Variants in CAMK1D observed in about 807,000 individuals in gnomAD.
The protein encoded by CAMK1D is calcium/calmodulin dependent protein kinase ID.
CAMK1D carries 9 observed loss-of-function variants against 47.7 expected under a neutral mutation model. The observed-to-expected ratio is 0.19, with a 90% CI of 0.11 to 0.33. CAMK1D has a LOEUF of 0.33. CAMK1D is among the 10% of genes least tolerant of loss of function. CAMK1D has a pLI of 1.00. For missense variants in CAMK1D, 291 were observed against 488.7 expected, an observed-to-expected ratio of 0.60 and a Z score of 3.81; for synonymous variants, 184 against 184.9, an observed-to-expected ratio of 0.99 and a Z score of 0.04.
chr10:12,381,676 T>C (rs1450991088), intron 1 of CAMK1D, among the ~76,000 whole-genome samples: 1 of 152,210 alleles, frequency 6.6e-6, no homozygotes, highest in Non-Finnish European at 1.5e-5. Context: ...GAATTGACGA[T>C]ACAGTCTGAG....
chr10:12,413,432 G>A (rs555057281), intron 1 of CAMK1D, among the ~76,000 whole-genome samples: 3 of 145,474 alleles, frequency 2.1e-5, no homozygotes, highest in Admixed American at 1.4e-4. Context: ...AACTTTATCA[G>A]TGTGTTAGAG....
At position 12,525,794 on chromosome 10, in the gene CAMK1D, G is replaced by T. The variant is rs141905914; in HGVS notation, c.93-27431G>T. 2.6e-4 allele frequency among the ~76,000 whole-genome samples: 40 copies of T among 152,202 alleles called. 1 individual carries two copies. The highest frequency in any genetic ancestry group is 9.4e-4 in the African/African-American group (39 of 41,510). ...TTTTTTTGAGATAAGGTCTTGCTCTGTTGCCCAAACTGGAATGTAGTGGCG... is the reference window on the plus strand; with the variant it reads ...TTTTTTTGAGATAAGGTCTTGCTCTTTTGCCCAAACTGGAATGTAGTGGCG... On this transcript the variant is annotated intron_variant, in intron 1 of 10. Transcript: ENST00000619168.
intron 3 of CAMK1D, among the ~76,000 whole-genome samples, chr10:12,669,455 A>T (rs191924412): frequency 6.6e-6 from 1 of 152,244 alleles, no homozygotes; most frequent in South Asian, 2.1e-4. Flanking sequence ...GTTTATTTAT[A>T]TAAAAAATTA....
intron 3 of CAMK1D, among the ~76,000 whole-genome samples, chr10:12,729,442 C>T (rs1834794396): frequency 6.6e-6 from 1 of 152,026 alleles, no homozygotes; most frequent in African/African-American, 2.4e-5. Flanking sequence ...TCAAGACCAG[C>T]CTGGGTAACA....
At chr10:12,474,005 A>T (rs549020496) in intron 1 of CAMK1D, among the ~76,000 whole-genome samples, 1 of 152,126 alleles carries the variant, frequency 6.6e-6, no homozygotes, top group Non-Finnish European at 1.5e-5. Context: ...ATGGCATTTA[A>T]TATTTGAATT....
intron 1 of CAMK1D, among the ~76,000 whole-genome samples, chr10:12,537,595 T>C (rs772728371): frequency 6.6e-6 from 1 of 152,186 alleles, no homozygotes; most frequent in East Asian, 1.9e-4. Flanking sequence ...CGTTGGCCAT[T>C]CTGTGAATTG....
At chr10:12,764,391 A>AAAAAAAAC (rs1836652058) in intron 4 of CAMK1D, among the ~76,000 whole-genome samples, 1 of 151,096 alleles carries the variant, frequency 6.6e-6, no homozygotes, top group Non-Finnish European at 1.5e-5. Context: ...CAAAAAAAAA[A>AAAAAAAAC]AAAAAAACAT....
intron 6 of CAMK1D, among the ~76,000 whole-genome samples, chr10:12,799,624 T>C (rs1292185319): frequency 6.6e-6 from 1 of 152,222 alleles, no homozygotes; most frequent in East Asian, 1.9e-4. Context: ...AATCCACCCC[T>C]CGTGAGAACT....
At chr10:12,810,276 C>CA (rs2131066911) in intron 6 of CAMK1D, among the ~76,000 whole-genome samples, 1 of 126,200 alleles carries the variant, frequency 7.9e-6, no homozygotes, top group African/African-American at 3.0e-5. Flanking sequence ...CCTAGCACCA[C>CA]TTTTTTTTTT....
At chr10:12,652,465 G>A (rs1314354620) in intron 2 of CAMK1D, among the ~76,000 whole-genome samples, 4 of 150,736 alleles carry the variant, frequency 2.7e-5, no homozygotes, top group East Asian at 3.9e-4. Flanking sequence ...GCGGGCGCCT[G>A]TAGTCCCAGC....
At chr10:12,399,091 G>A (rs1251927669) in intron 1 of CAMK1D, among the ~76,000 whole-genome samples, 1 of 152,190 alleles carries the variant, frequency 6.6e-6, no homozygotes, top group African/African-American at 2.4e-5. Context: ...ACTGGGAATG[G>A]TATTGAAATA....
chr10:12,679,822 AC>A (rs1371590901), intron 3 of CAMK1D, among the ~76,000 whole-genome samples: 1 of 152,110 alleles, frequency 6.6e-6, no homozygotes, highest in Non-Finnish European at 1.5e-5. Context: ...CCCGCCCAGC[AC>A]CCGGGCATAT....
At chr10:12,527,711 G>A (rs1239053355) in intron 1 of CAMK1D, among the ~76,000 whole-genome samples, 1 of 152,166 alleles carries the variant, frequency 6.6e-6, no homozygotes, top group African/African-American at 2.4e-5. Context: ...AGAGATAAAG[G>A]AGGAAAAATT....
At chr10:12,490,615 G>A (rs952189278) in intron 1 of CAMK1D, among the ~76,000 whole-genome samples, 14 of 152,198 alleles carry the variant, frequency 9.2e-5, no homozygotes, top group Non-Finnish European at 1.9e-4. Flanking sequence ...TTGGGAGGCC[G>A]AGGTGGGCCG....
chr10:12,818,151 C>G (rs1260912302), intron 8 of CAMK1D, among the ~76,000 whole-genome samples: 1 of 152,196 alleles, frequency 6.6e-6, no homozygotes, highest in Non-Finnish European at 1.5e-5. Context: ...GCCCCGCCAT[C>G]CTCTGTAGCA....
At chr10:12,801,214 A>G (rs1186929341) in intron 6 of CAMK1D, among the ~76,000 whole-genome samples, 1 of 150,862 alleles carries the variant, frequency 6.6e-6, no homozygotes, top group Non-Finnish European at 1.5e-5. Flanking sequence ...CAGATGTTAC[A>G]TCTCTAGTAT....
intron 2 of CAMK1D, among the ~76,000 whole-genome samples, chr10:12,663,049 C>A (rs927229872): frequency 1.3e-5 from 2 of 152,202 alleles, no homozygotes. Context: ...GCAACCTCTG[C>A]CTCGCAGGTT....
At chr10:12,366,081 G>T (rs909822863) in intron 1 of CAMK1D, among the ~76,000 whole-genome samples, 5 of 152,168 alleles carry the variant, frequency 3.3e-5, no homozygotes, top group Admixed American at 2.6e-4. Flanking sequence ...CTTCTCCTCA[G>T]TGTCAGTGTC....
At chr10:12,773,510 G>C (rs926534761) in intron 5 of CAMK1D, among the ~76,000 whole-genome samples, 1 of 152,180 alleles carries the variant, frequency 6.6e-6, no homozygotes, top group African/African-American at 2.4e-5. Context: ...TGTATTATTT[G>C]TATTGTTTTT....
Sources: allele counts gnomAD v4.1 joint callset (sites outside exome capture counted in the v4.1 genomes callset), GRCh38; gene constraint gnomAD v4.1.1; transcripts MANE v1.5; gene names NCBI Gene and HGNC (gene_info 2026-07-23, HGNC 2026-07-21).